The following FLVCR2 variants were observed in gnomAD, a reference collection of about 807,000 sequenced individuals.
FLVCR2 encodes the protein FLVCR choline and putative heme transporter 2.
Under a neutral mutation model 48.9 loss-of-function variants are expected in FLVCR2, and 38 were observed. That is an observed-to-expected ratio of 0.78 (90% CI 0.60 to 1.02). The LOEUF (loss-of-function observed/expected upper bound fraction) is 1.02, where lower values mean the gene tolerates loss of function less well. FLVCR2 is among the 50% of genes least tolerant of loss of function. The pLI is 0.00. For missense variants in FLVCR2, 664 were observed against 663.3 expected (o/e 1.00, Z -0.01); for synonymous variants, 255 against 257.0 (o/e 0.99, Z 0.07).
At position 75,646,506 on chromosome 14, in the gene FLVCR2, AC is replaced by A; in HGVS notation, c.*38del. On this transcript the variant is annotated 3_prime_UTR_variant, in exon 10 of 10. Coordinates refer to ENST00000238667, the MANE Select transcript of FLVCR2 (RefSeq NM_017791.3). ...TGGTGACAACTCAGGGAACACGAAC[AC>A]CCCACCTTTTCCTTCAGCACAGCTC... The A allele has an allele frequency of 6.8e-7, 1 of 1,472,144 alleles. No homozygotes were observed. The highest frequency in any genetic ancestry group is 9.5e-7 in the Non-Finnish European group (1 of 1,050,890). 91.2% of individuals were successfully genotyped at this position (1,472,144 alleles called of 1,614,324 possible).
At chr14:75,624,036 A>G (rs1433114410) in intron 2 of FLVCR2, among the ~76,000 whole-genome samples, 2 of 151,974 alleles carry the variant, frequency 1.3e-5, no homozygotes. Context: ...TGGGCGACAG[A>G]GCGAGACTTC....
rs1320630766 is a variant in FLVCR2 at position 75,646,383 on chromosome 14, G to A, written c.1510-18G>A. The stretch of plus-strand genomic sequence containing the variant: ...TGTGCCTTTACCCACAGCACTGCCT[G>A]TTTGTTTTGCTTTATAGAAACTCCA... On this transcript the variant is annotated intron_variant, in intron 9 of 9. Coordinates refer to ENST00000238667, the MANE Select transcript of FLVCR2 (RefSeq NM_017791.3). 2 of 1,606,318 alleles carry A rather than the reference G, an allele frequency of 1.2e-6. No homozygotes were observed. Among genetic ancestry groups the A allele is most frequent in the South Asian group, 1.1e-5 (1 of 90,916 alleles).
chr14:75,610,904 C>CA (rs1230164230), intron 1 of FLVCR2, among the ~76,000 whole-genome samples: 1 of 152,178 alleles, frequency 6.6e-6, no homozygotes, highest in Non-Finnish European at 1.5e-5. Flanking sequence ...CTACTGTGCC[C>CA]AACTTGTTTA....
chr14:75,630,424 G>A (rs1890013692), intron 3 of FLVCR2, among the ~76,000 whole-genome samples: 1 of 152,166 alleles, frequency 6.6e-6, no homozygotes. Context: ...TTTTATTGTT[G>A]TAGTTGCTAA....
At chr14:75,583,513 C>T (rs961488709) in intron 1 of FLVCR2, among the ~76,000 whole-genome samples, 1 of 151,996 alleles carries the variant, frequency 6.6e-6, no homozygotes, top group African/African-American at 2.4e-5. Context: ...GTATCCCATA[C>T]TTGTGGGTTA....
At position 75,597,710 on chromosome 14, in the gene FLVCR2, C is replaced by T. The variant is rs368073266; in HGVS notation, c.669+18069C>T. ...TCAGCCTCCTGAGTAGCTGGGATTA[C>T]AGGTGCCCGCCACCACGTCTGGCTA... is the stretch of plus-strand genomic sequence containing the variant. On this transcript the variant is annotated intron_variant, in intron 1 of 9. Transcript: ENST00000238667. 6.4e-4 allele frequency among the ~76,000 whole-genome samples: 98 copies of T among 152,208 alleles called. No individual in the cohort carries two copies. The South Asian group carries it at 0.02, about 31-fold the overall frequency.
chr14:75,622,031 C>T, intron 1 of FLVCR2, 48 bp from the exon 2 acceptor site: 1 of 1,601,424 alleles, frequency 6.2e-7, no homozygotes, highest in Non-Finnish European at 8.6e-7. Context: ...TGTGTTGTCA[C>T]CTCTTGGCCA....
intron 1 of FLVCR2, among the ~76,000 whole-genome samples, chr14:75,594,359 C>A (rs938195789): frequency 6.6e-6 from 1 of 152,228 alleles, no homozygotes; most frequent in Non-Finnish European, 1.5e-5. Flanking sequence ...TCCTGATCCT[C>A]CAAATTCTTC....
intron 1 of FLVCR2, among the ~76,000 whole-genome samples, chr14:75,591,864 A>C (rs1322002762): frequency 4.0e-5 from 5 of 124,262 alleles, no homozygotes; most frequent in African/African-American, 1.6e-4. Flanking sequence ...CCCAGGCTGG[A>C]GTGCAGTGGT....
chr14:75,621,994 A>C lies in FLVCR2; in HGVS notation c.670-85A>C, dbSNP rs149476112. 1.9e-4 allele frequency: 271 copies of C among 1,399,368 alleles called. No homozygotes were observed. The African/African-American group carries it at 3.6e-3, about 19-fold the overall frequency. The allele number at this position is 1,399,368 out of a possible 1,614,324, so 86.7% of individuals were successfully genotyped here. ...GGAAGGATTGGAAGTTGGAAATTAGATTTCTTATTAGGAATCTCTTTACAT... is the reference window on the plus strand; with the variant it reads ...GGAAGGATTGGAAGTTGGAAATTAGCTTTCTTATTAGGAATCTCTTTACAT... On this transcript the variant is annotated intron_variant, in intron 1 of 9. Transcript: ENST00000238667.
At chr14:75,596,132 A>T (rs1324718483) in intron 1 of FLVCR2, 14 of 858,336 alleles carry the variant, frequency 1.6e-5, no homozygotes, top group Non-Finnish European at 2.6e-5. Flanking sequence ...GAAGGATATC[A>T]ATGACTGTTT....
chr14:75,584,841 T>C (rs1294628775), intron 1 of FLVCR2, among the ~76,000 whole-genome samples: 1 of 152,226 alleles, frequency 6.6e-6, no homozygotes, highest in East Asian at 1.9e-4. Flanking sequence ...ATATATTTAG[T>C]AGGGTCTGAC....
At chr14:75,602,211 C>T (rs1260900519) in intron 1 of FLVCR2, among the ~76,000 whole-genome samples, 1 of 152,194 alleles carries the variant, frequency 6.6e-6, no homozygotes, top group Non-Finnish European at 1.5e-5. Context: ...TTATCCAGCA[C>T]GGTCTCTAGC....
intron 1 of FLVCR2, among the ~76,000 whole-genome samples, chr14:75,581,751 C>T (rs1888614282): frequency 6.6e-6 from 1 of 152,152 alleles, no homozygotes; most frequent in Non-Finnish European, 1.5e-5. Flanking sequence ...GGGCAAATCC[C>T]CAAGCTTGAT....
intron 3 of FLVCR2, among the ~76,000 whole-genome samples, chr14:75,629,421 C>T (rs1326956143): frequency 1.3e-5 from 2 of 152,134 alleles, no homozygotes; most frequent in African/African-American, 4.8e-5. Context: ...GCCAGTAAAA[C>T]ACCCTTCCTC....
At chr14:75,608,436 G>A (rs145982695) in intron 1 of FLVCR2, among the ~76,000 whole-genome samples, 4 of 152,322 alleles carry the variant, frequency 2.6e-5, no homozygotes, top group African/African-American at 9.6e-5. Flanking sequence ...GGAGTGGCAC[G>A]ATGCAACGTT....
intron 1 of FLVCR2, among the ~76,000 whole-genome samples, chr14:75,618,256 C>T (rs568943053): frequency 6.6e-6 from 1 of 152,286 alleles, no homozygotes; most frequent in Non-Finnish European, 1.5e-5. Context: ...ATCTCCCCAA[C>T]TCCCTTGATG....
Position 75,646,797 on chromosome 14 carries a change from C to T in FLVCR2, c.*325C>T, listed in dbSNP as rs1890431794. ...TCTTGCCTTCCCTCTTTTCCTCCAT[C>T]CATCGTGGACAATGCCTGCAAAATT... is the stretch of plus-strand genomic sequence containing the variant. On this transcript the variant is annotated 3_prime_UTR_variant, in exon 10 of 10. Transcript: ENST00000238667. 2.6e-6 allele frequency: 1 copy of T among 378,002 alleles called. No homozygotes were observed. The highest frequency in any genetic ancestry group is 2.1e-5 in the African/African-American group (1 of 47,938). 23.4% of individuals were successfully genotyped at this position (378,002 alleles called of 1,614,324 possible).
chr14:75,586,589 C>A (rs1257064135), intron 1 of FLVCR2, among the ~76,000 whole-genome samples: 4 of 152,102 alleles, frequency 2.6e-5, no homozygotes, highest in African/African-American at 9.7e-5. Context: ...TCATTTAAAA[C>A]AGAAACTTTA....
Sources: allele counts gnomAD v4.1 joint callset (sites outside exome capture counted in the v4.1 genomes callset), GRCh38; gene constraint gnomAD v4.1.1; transcripts MANE v1.5; gene names NCBI Gene and HGNC (gene_info 2026-07-23, HGNC 2026-07-21).